The following LAMC1 variants were observed in gnomAD, a reference collection of about 807,000 sequenced individuals.
The protein encoded by LAMC1 is laminin subunit gamma-1.
In LAMC1, 38 loss-of-function variants were observed where a neutral mutation model predicts 173.6. The observed-to-expected ratio is 0.22, with a 90% CI of 0.17 to 0.29. The LOEUF (loss-of-function observed/expected upper bound fraction) is 0.29. Among genes scored for constraint, LAMC1 ranks in the 10% least tolerant of loss-of-function variants. LAMC1 has a pLI of 1.00. For synonymous variants in LAMC1, 746 were observed against 749.1 expected, an observed-to-expected ratio of 1.00 and a Z score of 0.07; for missense variants, 1,824 against 2,051.8, an observed-to-expected ratio of 0.89 and a Z score of 2.14.
At chr1:183,111,298 G>T (rs959677385) in intron 4 of LAMC1, among the ~76,000 whole-genome samples, 4 of 152,050 alleles carry the variant, frequency 2.6e-5, no homozygotes, top group Non-Finnish European at 1.5e-5. Context: ...TGTTGGCCAG[G>T]CTGGTCTCGA....
chr1:183,067,818 A>C (rs567910480), intron 1 of LAMC1, among the ~76,000 whole-genome samples: 335 of 152,156 alleles, frequency 2.2e-3, no homozygotes, highest in Non-Finnish European at 3.7e-3. Flanking sequence ...AAATTTTTTT[A>C]TTTTTGGCTT....
Position 183,114,783 on chromosome 1 carries a change from G to A in LAMC1, c.1210+64G>A, listed in dbSNP as rs956561166. 7.3e-6 allele frequency: 11 copies of A among 1,511,842 alleles called. No homozygotes were observed. In the African/African-American group the frequency reaches 9.7e-5, roughly 13 times the overall value. The allele number at this position is 1,511,842 out of a possible 1,614,324, so 93.7% of individuals were successfully genotyped here. Reference sequence around the variant, plus strand: ...GTTCCGTGGACCCCCGGAAAGGAAAGCTTTGTTTCCAAGGCATTTGGACAA... The same window carrying A: ...GTTCCGTGGACCCCCGGAAAGGAAAACTTTGTTTCCAAGGCATTTGGACAA... On this transcript the variant is annotated intron_variant, in intron 5 of 27. Coordinates refer to ENST00000258341, the MANE Select transcript of LAMC1 (RefSeq NM_002293.4).
At chr1:183,138,116 C>T (rs1038586149) in intron 26 of LAMC1, 49 of 496,292 alleles carry the variant, frequency 9.9e-5, no homozygotes, top group Non-Finnish European at 9.9e-5. Flanking sequence ...ATATTTTTCA[C>T]TGGGTAATTC....
At chr1:183,114,376 G>C (rs181338548) in intron 4 of LAMC1, among the ~76,000 whole-genome samples, 155 bp from the exon 5 acceptor site, 71 of 152,248 alleles carry the variant, frequency 4.7e-4, no homozygotes, top group Non-Finnish European at 7.1e-4. Flanking sequence ...TGACCTTCTT[G>C]TTGTTGTTAA....
At chr1:183,030,855 A>G (rs1193540363) in intron 1 of LAMC1, among the ~76,000 whole-genome samples, 1 of 152,118 alleles carries the variant, frequency 6.6e-6, no homozygotes, top group Non-Finnish European at 1.5e-5. Flanking sequence ...TAAAGTATAT[A>G]TATTCTGTAG....
chr1:183,126,261 A>G lies in LAMC1; in HGVS notation c.2943A>G (p.Lys981=), dbSNP rs144708019. Reference sequence around the variant, plus strand: ...TTGGGTTTGGACCTGAAGGCTGCAAACGTAAGGGGTGTTGGTGGCATACAA... The same window carrying G: ...TTGGGTTTGGACCTGAAGGCTGCAAGCGTAAGGGGTGTTGGTGGCATACAA... The part of the protein sequence containing the change: ...NHFGFGPEGC[K]PCDCHPEGSL... Residue 981 remains lysine, a splice_region_variant and synonymous_variant, in exon 16 of 28, where the codon AAA becomes AAG. Coordinates refer to ENST00000258341, the MANE Select transcript of LAMC1 (RefSeq NM_002293.4). 3.1e-5 allele frequency: 50 copies of G among 1,613,438 alleles called. No homozygotes were observed. In the African/African-American group the frequency reaches 5.9e-4, roughly 19 times the overall value.
At chr1:183,075,758 T>C (rs1388127134) in intron 1 of LAMC1, among the ~76,000 whole-genome samples, 2 of 152,218 alleles carry the variant, frequency 1.3e-5, no homozygotes, top group Non-Finnish European at 2.9e-5. Context: ...TTTCTAGAGT[T>C]AGCCCATTTC....
chr1:183,047,162 T>C (rs1654287339), intron 1 of LAMC1, among the ~76,000 whole-genome samples: 1 of 152,168 alleles, frequency 6.6e-6, no homozygotes, highest in African/African-American at 2.4e-5. Context: ...AATTAGTTGC[T>C]GTTCATACTG....
chr1:183,133,578 C>G, intron 22 of LAMC1, 28 bp downstream of exon 22: 4 of 1,582,576 alleles, frequency 2.5e-6, no homozygotes, highest in Non-Finnish European at 3.4e-6. Flanking sequence ...ACGCACAGCC[C>G]CACCCCGTCT....
Position 183,023,603 on chromosome 1 carries a change from A to C in LAMC1, c.-114A>C. The stretch of plus-strand genomic sequence containing the variant: ...CGCCGCCACCGCCCGCGCCGGAGTC[A>C]GGCCCCTGGGCCCCCAGGCTCAAGC... On this transcript the variant is annotated 5_prime_UTR_variant, in exon 1 of 28. Coordinates refer to ENST00000258341, the MANE Select transcript of LAMC1 (RefSeq NM_002293.4). 6.3e-6 allele frequency: 5 copies of C among 799,624 alleles called. No homozygotes were observed. Among genetic ancestry groups the C allele is most frequent in the Non-Finnish European group, 8.0e-6 (5 of 628,260 alleles). The allele number at this position is 799,624 out of a possible 1,614,324, so 49.5% of individuals were successfully genotyped here.
At chr1:183,034,846 T>C (rs1337168734) in intron 1 of LAMC1, among the ~76,000 whole-genome samples, 1 of 152,218 alleles carries the variant, frequency 6.6e-6, no homozygotes, top group Non-Finnish European at 1.5e-5. Context: ...AAATTACCTT[T>C]TGTCAAGTGC....
chr1:183,140,245 CAAA>C (rs56152259), intron 26 of LAMC1, among the ~76,000 whole-genome samples, 156 bp from the exon 27 acceptor site: 13 of 52,914 alleles, frequency 2.5e-4, no homozygotes, highest in East Asian at 1.4e-3. Flanking sequence ...GCAGCCCCAC[CAAA>C]AAAAAAAAAA....
In LAMC1 at chr1:183,131,356, G is replaced by A. The variant is rs972742943; in HGVS notation, c.3544G>A (p.Glu1182Lys). ...DPNNMTLLAE[E>K]ARKLAERHKQ... ...AAACAACATGACTCTTTTGGCAGAA[G>A]AGGCTCGAAAGCTTGCTGAACGGTA... The change falls in exon 20 of 28, where the codon GAG (glutamate) becomes AAG (lysine). Residue 1182 changes from glutamate to lysine, a missense_variant. Physicochemically the swap from Glu to Lys is moderately conservative, Grantham distance 56 (BLOSUM62 1). Coordinates refer to ENST00000258341, the MANE Select transcript of LAMC1 (RefSeq NM_002293.4). 5.7e-5 allele frequency: 92 copies of A among 1,613,476 alleles called. No individual in the cohort carries two copies. The highest frequency in any genetic ancestry group is 6.3e-5 in the Non-Finnish European group (74 of 1,179,828).
In LAMC1 at chr1:183,066,721, T is replaced by A. The variant is rs142541341; in HGVS notation, c.419-36607T>A. Among the ~76,000 whole-genome samples, 23 of 152,180 alleles carry A rather than the reference T, an allele frequency of 1.5e-4. No homozygotes were observed. In the East Asian group the frequency reaches 4.5e-3, roughly 29 times the overall value. On this transcript the variant is annotated intron_variant, in intron 1 of 27. Transcript: ENST00000258341. Reference sequence around the variant, plus strand: ...AACACAGGAACAGAAAACCAAACACTGCATGTTCTCACTCATAAGTGGGAG... The same window carrying A: ...AACACAGGAACAGAAAACCAAACACAGCATGTTCTCACTCATAAGTGGGAG...
At chr1:183,075,195 A>C (rs77153145) in intron 1 of LAMC1, among the ~76,000 whole-genome samples, 3,302 of 150,092 alleles carry the variant, frequency 0.022, 119 homozygotes, top group African/African-American at 0.076. Flanking sequence ...GTGTGATCAC[A>C]GCCCACTGCA....
chr1:183,024,832 C>T (rs1210570839), intron 1 of LAMC1, among the ~76,000 whole-genome samples: 1 of 152,202 alleles, frequency 6.6e-6, no homozygotes, highest in Non-Finnish European at 1.5e-5. Context: ...CCTTTACTGT[C>T]TTCCCTTTTG....
At position 183,114,522 on chromosome 1, in the gene LAMC1, G is replaced by A. The variant is rs1656261890; in HGVS notation, c.1022-9G>A. On this transcript the variant is annotated splice_polypyrimidine_tract_variant and intron_variant, in intron 4 of 27. Transcript: ENST00000258341. The stretch of plus-strand genomic sequence containing the variant: ...AGATCTGATGTAACTCGTGTGTTTT[G>A]ACTGACAGCCTGTGATTGCAATGGT... 2 of 1,614,024 alleles carry A rather than the reference G, an allele frequency of 1.2e-6. No homozygotes were observed. The highest frequency in any genetic ancestry group is 1.3e-5 in the African/African-American group (1 of 75,044).
At chr1:183,100,965 T>C (rs1275178175) in intron 1 of LAMC1, among the ~76,000 whole-genome samples, 1 of 152,158 alleles carries the variant, frequency 6.6e-6, no homozygotes, top group Non-Finnish European at 1.5e-5. Context: ...TTTCTGGACA[T>C]TTTGCTACTT....
intron 1 of LAMC1, among the ~76,000 whole-genome samples, chr1:183,082,789 G>A (rs565445671): frequency 6.6e-6 from 1 of 152,220 alleles, no homozygotes; most frequent in Admixed American, 6.5e-5. Flanking sequence ...AGTGTCAACC[G>A]TATGGCAACC....
Sources: gnomAD v4.1 joint callset for allele counts (sites outside exome capture counted in the v4.1 genomes callset) on GRCh38, gnomAD v4.1.1 for gene constraint, MANE v1.5 for transcripts, NCBI Gene and HGNC (gene_info 2026-07-23, HGNC 2026-07-21) for gene names.